The following DCBLD1 variants were observed in gnomAD, a reference collection of about 807,000 sequenced individuals.
DCBLD1 encodes discoidin, CUB and LCCL domain-containing protein 1.
Under a neutral mutation model 71.5 loss-of-function variants are expected in DCBLD1, and 57 were observed. The observed-to-expected ratio is 0.80, with a 90% CI of 0.64 to 0.99. The LOEUF is 0.99. Ranked by LOEUF, DCBLD1 falls within the 50% of genes least tolerant of loss-of-function variation. DCBLD1 has a pLI of 0.00. For missense variants in DCBLD1, 891 were observed against 923.5 expected (o/e 0.96, Z 0.46); for synonymous variants, 380 against 363.8 (o/e 1.04, Z -0.51).
chr6:117,511,718 A>G (rs1778028386), intron 2 of DCBLD1, among the ~76,000 whole-genome samples: 1 of 152,222 alleles, frequency 6.6e-6, no homozygotes, highest in African/African-American at 2.4e-5. Flanking sequence ...AATCCCAAAG[A>G]GGGGAAAGCG....
At chr6:117,511,460 T>G (rs1234460323) in intron 2 of DCBLD1, among the ~76,000 whole-genome samples, 1 of 152,258 alleles carries the variant, frequency 6.6e-6, no homozygotes, top group East Asian at 1.9e-4. Flanking sequence ...CTACGTTTTC[T>G]GTACCTCCAC....
Position 117,540,849 on chromosome 6 carries a change from G to A in DCBLD1, c.1249+34G>A, listed in dbSNP as rs752961933. ...CAGGGCAAGCCAGTGAGTTACTCAA[G>A]TTTGGTCATATTTTTTTTCGCCTAT... On this transcript the variant is annotated intron_variant, in intron 10 of 14. Transcript: ENST00000338728. The A allele has an allele frequency of 1.2e-5, 20 of 1,614,034 alleles. No homozygotes were observed. The East Asian group carries it at 4.2e-4, about 34-fold the overall frequency.
At chr6:117,495,768 A>C (rs1777447693) in intron 1 of DCBLD1, among the ~76,000 whole-genome samples, 1 of 152,260 alleles carries the variant, frequency 6.6e-6, no homozygotes, top group Non-Finnish European at 1.5e-5. Flanking sequence ...TGCAGTGTTC[A>C]CTGATTTTAT....
At chr6:117,482,954 G>A (rs1344786944) in intron 1 of DCBLD1, 61 bp downstream of exon 1, 2 of 1,109,600 alleles carry the variant, frequency 1.8e-6, no homozygotes, top group South Asian at 4.1e-5. Flanking sequence ...GCTGAGGGCT[G>A]CGGGGCGGGC....
chr6:117,498,467 C>CA (rs1582971657), intron 1 of DCBLD1, among the ~76,000 whole-genome samples: 2 of 152,228 alleles, frequency 1.3e-5, no homozygotes, highest in South Asian at 4.2e-4. Flanking sequence ...TGGTCAAATT[C>CA]CCTGTGGCAA....
At chr6:117,556,859 T>C (rs1243472062) in intron 14 of DCBLD1, among the ~76,000 whole-genome samples, 3 of 152,208 alleles carry the variant, frequency 2.0e-5, no homozygotes. Context: ...AGTGCTCCCT[T>C]TACTCTGTAG....
In DCBLD1 at chr6:117,548,842, T is replaced by A; in HGVS notation, c.*403T>A. 9.5e-7 allele frequency: 1 copy of A among 1,051,138 alleles called. No homozygotes were observed. Among genetic ancestry groups the A allele is most frequent in the African/African-American group, 1.7e-5 (1 of 58,566 alleles). The allele number at this position is 1,051,138 out of a possible 1,614,324, so 65.1% of individuals were successfully genotyped here. A position where few individuals can be genotyped will look rare whatever the true frequency, so the allele number is the denominator to read the frequency against. On this transcript the variant is annotated 3_prime_UTR_variant, in exon 15 of 15. Transcript: ENST00000338728. ...AGGTTAAGTGGGAAAATGCAGCTGT[T>A]GCAAAATGTATATAAATAGTATGTT...
chr6:117,537,499 A>T (rs372735269), intron 7 of DCBLD1, among the ~76,000 whole-genome samples: 240 of 150,354 alleles, frequency 1.6e-3, no homozygotes, highest in African/African-American at 2.1e-3. Context: ...GCGCCACTGC[A>T]CTCCAGCCTG....
At chr6:117,539,530 C>A in intron 9 of DCBLD1, 151 bp downstream of exon 9, 1 of 875,120 alleles carries the variant, frequency 1.1e-6, no homozygotes, top group Non-Finnish European at 1.6e-6. Context: ...CTTTGGGAAG[C>A]CAAGGCAGGA....
Position 117,548,139 on chromosome 6 carries a change from T to TGC in DCBLD1, c.1851_1852dup (p.Gln618ArgfsTer26). ...ACGTGCTGCGCGCCCACACGTTCTC[T>TGC]GCGCAGAGCGGCTACCGCGTCCCAG... On this transcript the variant is annotated frameshift_variant, in exon 15 of 15. Coordinates refer to ENST00000338728, the MANE Select transcript of DCBLD1 (RefSeq NM_001366458.2). LOFTEE classifies it low-confidence loss of function (END_TRUNC). 1 of 1,550,032 alleles carries TGC rather than the reference T, an allele frequency of 6.5e-7. No individual in the cohort carries two copies. The highest frequency in any genetic ancestry group is 8.7e-7 in the Non-Finnish European group (1 of 1,146,746).
rs774249395 is a variant in DCBLD1 at position 117,548,142 on chromosome 6, G to T, written c.1851G>T (p.Ala617=). 6 of 1,550,088 alleles carry T rather than the reference G, an allele frequency of 3.9e-6. No homozygotes were observed. In the African/African-American group the frequency reaches 6.8e-5, roughly 18 times the overall value. The part of the protein sequence containing the change: ...RHVLRAHTFS[A]QSGYRVPGPQ... ...TGCTGCGCGCCCACACGTTCTCTGC[G>T]CAGAGCGGCTACCGCGTCCCAGGGC... The change falls in exon 15 of 15, where the codon GCG becomes GCT. Residue 617 remains alanine (A), a synonymous_variant. Transcript: ENST00000338728.
At chr6:117,524,035 A>G (rs1778467358) in intron 4 of DCBLD1, among the ~76,000 whole-genome samples, 1 of 152,098 alleles carries the variant, frequency 6.6e-6, no homozygotes, top group African/African-American at 2.4e-5. Context: ...TGAAGAAACA[A>G]TCTAAGAGAG....
chr6:117,524,962 ATTC>A (rs1330741004), intron 4 of DCBLD1, among the ~76,000 whole-genome samples: 1 of 152,176 alleles, frequency 6.6e-6, no homozygotes, highest in Non-Finnish European at 1.5e-5. Context: ...ATCTAGGGAT[ATTC>A]TTCTTTGTCT....
chr6:117,520,607 A>G (rs1333156351), intron 3 of DCBLD1, among the ~76,000 whole-genome samples: 1 of 152,194 alleles, frequency 6.6e-6, no homozygotes, highest in African/African-American at 2.4e-5. Flanking sequence ...ACACAGTGTA[A>G]TAACTTTAAA....
chr6:117,556,684 A>G (rs1583042319), intron 14 of DCBLD1, among the ~76,000 whole-genome samples: 1 of 152,376 alleles, frequency 6.6e-6, no homozygotes, highest in East Asian at 1.9e-4. Flanking sequence ...TGTGATAAAC[A>G]TACGAGTGCC....
In DCBLD1 at chr6:117,489,718, T is replaced by C. The variant is rs540054897; in HGVS notation, c.112+6825T>C. Among the ~76,000 whole-genome samples the C allele has an allele frequency of 1.8e-4, 28 of 152,268 alleles. No individual in the cohort carries two copies. In the South Asian group the frequency reaches 5.8e-3, roughly 32 times the overall value. ...GTCTAACTCGGTGAAACCCCGTCTCTACTAAAAATACAAAAAATTAGCCGG... is the reference window on the plus strand; with the variant it reads ...GTCTAACTCGGTGAAACCCCGTCTCCACTAAAAATACAAAAAATTAGCCGG... On this transcript the variant is annotated intron_variant, in intron 1 of 14. Coordinates refer to ENST00000338728, the MANE Select transcript of DCBLD1 (RefSeq NM_001366458.2).
At chr6:117,559,473 A>T (rs1424499552) in intron 14 of DCBLD1, among the ~76,000 whole-genome samples, 1 of 152,206 alleles carries the variant, frequency 6.6e-6, no homozygotes, top group Admixed American at 6.5e-5. Context: ...ATAATCAGTC[A>T]CTGACTGGCA....
At chr6:117,489,507 A>G (rs1458668721) in intron 1 of DCBLD1, among the ~76,000 whole-genome samples, 1 of 152,120 alleles carries the variant, frequency 6.6e-6, no homozygotes, top group African/African-American at 2.4e-5. Flanking sequence ...ATAATACTGA[A>G]ATGAGGTAAC....
At position 117,520,976 on chromosome 6, in the gene DCBLD1, A is replaced by G. The variant is rs988873184; in HGVS notation, c.461-549A>G. ...CAAGGTCCACTGTATCTTAGCCTCT[A>G]TTGCTGAATATTAGTTTGGTTCTGT... is the stretch of plus-strand genomic sequence containing the variant. On this transcript the variant is annotated intron_variant, in intron 3 of 14. Coordinates refer to ENST00000338728, the MANE Select transcript of DCBLD1 (RefSeq NM_001366458.2). Among the ~76,000 whole-genome samples the G allele has an allele frequency of 4.6e-5, 7 of 152,202 alleles. No individual in the cohort carries two copies. In the East Asian group the frequency reaches 1.3e-3, roughly 29 times the overall value.
Sources: allele counts gnomAD v4.1 joint callset (sites outside exome capture counted in the v4.1 genomes callset), GRCh38; gene constraint gnomAD v4.1.1; transcripts MANE v1.5; gene names NCBI Gene and HGNC (gene_info 2026-07-23, HGNC 2026-07-21).